P3H2: variants seen among roughly 807,000 people sequenced by gnomAD.
P3H2 encodes leprecan-like 1.
P3H2 carries 80 observed loss-of-function variants against 87.0 expected under a neutral mutation model. That is an observed-to-expected ratio of 0.92 (90% CI 0.77 to 1.11). The LOEUF (loss-of-function observed/expected upper bound fraction) is 1.11. P3H2 is among the 50% of genes least tolerant of loss of function. The probability of loss-of-function intolerance (pLI) is 0.00; values close to 1 mark genes in which losing one functional copy is unlikely to be tolerated. For synonymous variants in P3H2, 367 were observed against 359.3 expected (o/e 1.02, Z -0.24); for missense variants, 1,001 against 923.9 (o/e 1.08, Z -1.08).
chr3:190,072,719 TTTAA>T (rs1372850954), intron 1 of P3H2, among the ~76,000 whole-genome samples: 1 of 152,218 alleles, frequency 6.6e-6, no homozygotes, highest in Non-Finnish European at 1.5e-5. Context: ...CATTTTATTT[TTTAA>T]TTAATAAAAG....
intron 1 of P3H2, among the ~76,000 whole-genome samples, chr3:190,018,189 T>C (rs1205203768): frequency 1.3e-5 from 2 of 152,228 alleles, no homozygotes; most frequent in Non-Finnish European, 2.9e-5. Flanking sequence ...TCACCCATCA[T>C]TGTGGTCTAC....
intron 1 of P3H2, among the ~76,000 whole-genome samples, chr3:190,053,055 A>G (rs529520679): frequency 6.6e-5 from 10 of 152,228 alleles, no homozygotes; most frequent in Non-Finnish European, 1.3e-4. Context: ...TTAGGATTCA[A>G]TCATGTTGTG....
intron 13 of P3H2, chr3:189,969,421 C>G (rs1479679130): frequency 1.1e-5 from 9 of 813,630 alleles, no homozygotes; most frequent in Admixed American, 5.9e-5. Context: ...AAGAACGTCT[C>G]TCGTTTGGGG....
At chr3:190,055,410 T>C (rs547813374) in intron 1 of P3H2, among the ~76,000 whole-genome samples, 61 of 152,174 alleles carry the variant, frequency 4.0e-4, no homozygotes, top group South Asian at 3.3e-3. Flanking sequence ...TTTACCCCTT[T>C]ACTTAAAAAA....
At chr3:190,036,809 G>A (rs1560372886) in intron 1 of P3H2, among the ~76,000 whole-genome samples, 2 of 152,114 alleles carry the variant, frequency 1.3e-5, no homozygotes, top group African/African-American at 4.8e-5. Context: ...CTCCTCCACT[G>A]TGATGTAAAC....
At chr3:190,027,862 C>A (rs1285394762) in intron 1 of P3H2, among the ~76,000 whole-genome samples, 1 of 151,734 alleles carries the variant, frequency 6.6e-6, no homozygotes, top group Non-Finnish European at 1.5e-5. Flanking sequence ...TCCTCTCTGG[C>A]TTCACGGAAT....
intron 1 of P3H2, among the ~76,000 whole-genome samples, chr3:190,000,619 A>C (rs1429891301): frequency 6.6e-6 from 1 of 152,226 alleles, no homozygotes; most frequent in Non-Finnish European, 1.5e-5. Flanking sequence ...TTTTGAGCTG[A>C]GACCTAAAAG....
chr3:190,115,754 C>G (rs1323130993), intron 1 of P3H2, among the ~76,000 whole-genome samples: 1 of 152,150 alleles, frequency 6.6e-6, no homozygotes, highest in Non-Finnish European at 1.5e-5. Flanking sequence ...CCTCCTGCCA[C>G]CATGCAGAAA....
At position 190,051,201 on chromosome 3, in the gene P3H2, A is replaced by G. The variant is rs185730947; in HGVS notation, c.481-55759T>C. On this transcript the variant is annotated intron_variant, in intron 1 of 14. Coordinates refer to ENST00000319332, the MANE Select transcript of P3H2 (RefSeq NM_018192.4). ...GGTTAGGATTTAAAGGAAATAGGCT[A>G]TTAATAGCTGGGAGGTTACTCTGGA... 4.0e-3 allele frequency among the ~76,000 whole-genome samples: 614 copies of G among 152,344 alleles called. 4 individuals carry two copies. Among genetic ancestry groups the G allele is most frequent in the African/African-American group, 0.014 (573 of 41,582 alleles).
chr3:190,001,264 A>G (rs1724208792), intron 1 of P3H2, among the ~76,000 whole-genome samples: 1 of 152,222 alleles, frequency 6.6e-6, no homozygotes, highest in Non-Finnish European at 1.5e-5. Context: ...AAAGGGGCTA[A>G]TAATTCTAAA....
chr3:190,120,672 C>T lies in P3H2; in HGVS notation c.60G>A (p.Pro20=), dbSNP rs1222453436. The T allele has an allele frequency of 1.1e-5, 16 of 1,523,158 alleles. No individual in the cohort carries two copies. The highest frequency in any genetic ancestry group is 2.0e-4 in the Middle Eastern group (1 of 4,928). 94.4% of individuals were successfully genotyped at this position (1,523,158 alleles called of 1,614,324 possible). ...LLLLLPLLLP[P]PLWGGPPDSP... is the part of the protein sequence containing the mutation. ...TGTCCGGGGGGCCGCCCCACAGTGG[C>T]GGCGGCAGTAGCAGCGGCAGCAGCA... Residue 20 remains proline, a synonymous_variant, in exon 1 of 15, where the codon CCG becomes CCA. Transcript: ENST00000319332.
chr3:190,050,677 C>A (rs376858833), intron 1 of P3H2, among the ~76,000 whole-genome samples: 1 of 152,142 alleles, frequency 6.6e-6, no homozygotes, highest in Non-Finnish European at 1.5e-5. Context: ...TAGGAAAACA[C>A]AAGTCCATTA....
chr3:190,052,557 GAAGT>G lies in P3H2; in HGVS notation c.481-57119_481-57116del, dbSNP rs374145615. Among the ~76,000 whole-genome samples the G allele has an allele frequency of 3.0e-3, 457 of 150,842 alleles. 2 individuals carry two copies. The highest frequency in any genetic ancestry group is 9.6e-3 in the African/African-American group (396 of 41,398). On this transcript the variant is annotated intron_variant, in intron 1 of 14. Transcript: ENST00000319332. ...CTCCATGCTTAGCACTGTTCTCCAT[GAAGT>G]AAGTAATATTATATCCCCAATTTAT...
chr3:190,041,346 CCT>C (rs932623744), intron 1 of P3H2, among the ~76,000 whole-genome samples: 1 of 148,246 alleles, frequency 6.7e-6, no homozygotes, highest in Non-Finnish European at 1.5e-5. Context: ...ATTTTCATAC[CCT>C]GTTTCTTTTT....
intron 1 of P3H2, among the ~76,000 whole-genome samples, chr3:190,007,314 T>A (rs1724418268): frequency 6.6e-6 from 1 of 152,208 alleles, no homozygotes; most frequent in Non-Finnish European, 1.5e-5. Flanking sequence ...AAAGGCATGC[T>A]TAAAATTTCA....
chr3:190,018,322 G>C (rs1228744416), intron 1 of P3H2, among the ~76,000 whole-genome samples: 1 of 152,020 alleles, frequency 6.6e-6, no homozygotes, highest in Non-Finnish European at 1.5e-5. Context: ...ACCTTGCTAA[G>C]CACTTAAAAT....
chr3:190,120,014 A>G (rs995370794), intron 1 of P3H2, among the ~76,000 whole-genome samples: 2 of 152,252 alleles, frequency 1.3e-5, no homozygotes, highest in African/African-American at 4.8e-5. Context: ...TTATCAGGAC[A>G]GTCCTCTTTT....
At chr3:190,074,297 G>T (rs1726798096) in intron 1 of P3H2, among the ~76,000 whole-genome samples, 1 of 152,086 alleles carries the variant, frequency 6.6e-6, no homozygotes, top group African/African-American at 2.4e-5. Flanking sequence ...ATCACTTGAG[G>T]TCAGGAGTTC....
chr3:190,068,358 TTCCAGATACCTTAACCTCGACAGCCAC>T (rs1726581184), intron 1 of P3H2, among the ~76,000 whole-genome samples: 2 of 152,176 alleles, frequency 1.3e-5, no homozygotes, highest in South Asian at 4.1e-4. Flanking sequence ...TATTACTAGA[TTCCAGATACCTTAACCTCGACAGCCAC>T]TCTATAAGTG....
Sources: allele counts gnomAD v4.1 joint callset (sites outside exome capture counted in the v4.1 genomes callset), GRCh38; gene constraint gnomAD v4.1.1; transcripts MANE v1.5; gene names NCBI Gene and HGNC (gene_info 2026-07-23, HGNC 2026-07-21).